The following CHODL variants were observed in gnomAD, a reference collection of about 807,000 sequenced individuals.
The protein encoded by CHODL is transmembrane protein MT75.
CHODL carries 29 observed loss-of-function variants against 34.5 expected under a neutral mutation model. That is an observed-to-expected ratio of 0.84 (90% CI 0.63 to 1.15). The LOEUF (loss-of-function observed/expected upper bound fraction) is 1.15, where lower values mean the gene tolerates loss of function less well. CHODL is among the 50% of genes most tolerant of loss of function. The pLI is 0.00. For synonymous variants in CHODL, 125 were observed against 116.1 expected, an observed-to-expected ratio of 1.08 and a Z score of -0.49; for missense variants, 332 against 332.5, an observed-to-expected ratio of 1.00 and a Z score of 0.01.
intron 1 of CHODL, among the ~76,000 whole-genome samples, chr21:18,011,736 T>C (rs2064021532): frequency 1.3e-5 from 2 of 152,238 alleles, no homozygotes; most frequent in African/African-American, 4.8e-5. Flanking sequence ...AAAGCTCAGG[T>C]AATAATAAAA....
At chr21:17,925,617 A>G (rs919502375) in intron 1 of CHODL, among the ~76,000 whole-genome samples, 4 of 152,260 alleles carry the variant, frequency 2.6e-5, no homozygotes, top group African/African-American at 9.6e-5. Context: ...GGAGATTTAA[A>G]TTATAGGAAC....
rs1297141204 is a variant in CHODL, at chr21:17,981,490, C to T, written c.-144-46382C>T. 2.6e-5 allele frequency among the ~76,000 whole-genome samples: 4 copies of T among 152,292 alleles called. No individual in the cohort carries two copies. The East Asian group carries it at 7.7e-4, about 29-fold the overall frequency. ...AGAAGTGACAGCTGAGGCCTCCAAA[C>T]TCTTGTAACTGATGGGGCTCAGGTT... is the stretch of plus-strand genomic sequence containing the variant. On this transcript the variant is annotated intron_variant, in intron 1 of 6. Transcript: ENST00000400127.
At chr21:18,039,905 T>C (rs2146451994) in intron 2 of CHODL, among the ~76,000 whole-genome samples, 1 of 151,942 alleles carries the variant, frequency 6.6e-6, no homozygotes, top group East Asian at 1.9e-4. Flanking sequence ...GACATTTATA[T>C]AGATATTAGT....
At position 18,266,022 on chromosome 21, in the gene CHODL, G is replaced by A. The variant is rs1389176644; in HGVS notation, c.806G>A (p.Ser269Asn). The A allele has an allele frequency of 1.9e-6, 3 of 1,613,464 alleles. No homozygotes were observed. The East Asian group carries it at 6.7e-5, about 36-fold the overall frequency. Residue 269 changes from serine to asparagine, a missense_variant, in exon 6 of 6, where the codon AGT becomes AAT. Coordinates refer to ENST00000299295, the MANE Select transcript of CHODL (RefSeq NM_024944.3). ...LWISKSTRKE[S>N]GMEV ...ATTTCAAAGAGTACCAGAAAAGAAA[G>A]TGGCATGGAAGTATAATAACTCATT...
At chr21:18,064,653 C>G (rs1280544304) in intron 2 of CHODL, among the ~76,000 whole-genome samples, 1 of 152,120 alleles carries the variant, frequency 6.6e-6, no homozygotes, top group Non-Finnish European at 1.5e-5. Flanking sequence ...TGGAACCATA[C>G]CATCCATGTG....
rs76950342 is a variant in CHODL at position 18,186,751 on chromosome 21, G to A, written c.-44-69758G>A. Among the ~76,000 whole-genome samples the A allele has an allele frequency of 5.1e-3, 770 of 152,204 alleles. 2 individuals carry two copies. The highest frequency in any genetic ancestry group is 0.01 in the Middle Eastern group (3 of 294). ...TAAATCCACACAATAATATTTCTAGGTTAGGTTAGAATCTTAATCTCCCCA... is the reference window on the plus strand; with the variant it reads ...TAAATCCACACAATAATATTTCTAGATTAGGTTAGAATCTTAATCTCCCCA... On this transcript the variant is annotated intron_variant, in intron 2 of 6. Coordinates refer to the CHODL transcript ENST00000400127.
In CHODL at chr21:18,245,017, C is replaced by A. The variant is rs2074119657; in HGVS notation, c.-207C>A. The A allele has an allele frequency of 6.3e-6, 3 of 475,586 alleles. No individual in the cohort carries two copies. The East Asian group carries it at 1.1e-4, about 18-fold the overall frequency. The allele number at this position is 475,586 out of a possible 1,614,324, so 29.5% of individuals were successfully genotyped here. On this transcript the variant is annotated 5_prime_UTR_variant, in exon 1 of 6. Transcript: ENST00000299295. ...CACCCTCGAAGTCTTGAACTCCAGC[C>A]CCGCACATCCACGCGCGGCACAGGC...
At chr21:18,102,513 A>G (rs917529372) in intron 2 of CHODL, among the ~76,000 whole-genome samples, 2 of 152,184 alleles carry the variant, frequency 1.3e-5, no homozygotes, top group African/African-American at 4.8e-5. Context: ...GCCTGCTTTT[A>G]TTCTGCTTAA....
chr21:18,130,097 T>G (rs1005689339), intron 2 of CHODL, among the ~76,000 whole-genome samples: 2 of 152,174 alleles, frequency 1.3e-5, no homozygotes, highest in African/African-American at 4.8e-5. Flanking sequence ...AATCTGTTTT[T>G]TTCCCCCCAG....
chr21:18,152,686 T>C (rs755370402), intron 2 of CHODL, among the ~76,000 whole-genome samples: 19 of 152,326 alleles, frequency 1.2e-4, no homozygotes, highest in Admixed American at 3.9e-4. Flanking sequence ...CTAAGATGAA[T>C]CTTACATGAT....
chr21:18,124,815 G>A (rs2824641), intron 2 of CHODL, among the ~76,000 whole-genome samples: 4 of 152,030 alleles, frequency 2.6e-5, no homozygotes, highest in African/African-American at 9.7e-5. Context: ...TACTATATCC[G>A]GTGATTTCCA....
chr21:18,222,788 C>G (rs1012112840), intron 2 of CHODL, among the ~76,000 whole-genome samples: 1 of 152,038 alleles, frequency 6.6e-6, no homozygotes, highest in Non-Finnish European at 1.5e-5. Flanking sequence ...ATGTTTAGGT[C>G]TTTTTTTGTG....
chr21:18,158,859 G>GAA (rs2073064491), intron 2 of CHODL, among the ~76,000 whole-genome samples: 1 of 109,208 alleles, frequency 9.2e-6, no homozygotes, highest in Non-Finnish European at 2.1e-5. Flanking sequence ...AAAAAAAGAA[G>GAA]AAGAAAAGAA....
chr21:18,250,766 GA>G lies in CHODL; in HGVS notation c.79+5471del, dbSNP rs938370289. ...GGGGGTAAGAAGAAATTATGAAAAA[GA>G]AAAAAATATCTTGTGTGATTCTAAT... is the stretch of plus-strand genomic sequence containing the variant. On this transcript the variant is annotated intron_variant, in intron 1 of 5. Transcript: ENST00000299295. 1.5e-4 allele frequency among the ~76,000 whole-genome samples: 22 copies of G among 151,492 alleles called. No homozygotes were observed. The South Asian group carries it at 2.1e-3, about 14-fold the overall frequency.
At position 18,103,094 on chromosome 21, in the gene CHODL, AC is replaced by A. The variant is rs1212167276; in HGVS notation, c.-45+75125del. Among the ~76,000 whole-genome samples the A allele has an allele frequency of 2.6e-5, 4 of 152,156 alleles. No individual in the cohort carries two copies. The East Asian group carries it at 7.7e-4, about 29-fold the overall frequency. ...AAGAATATGCATTTTAGAGCAGGGA[AC>A]CTAAAGTTGAGATACCATTTCATTT... On this transcript the variant is annotated intron_variant, in intron 2 of 6. Transcript: ENST00000400127.
intron 2 of CHODL, among the ~76,000 whole-genome samples, chr21:18,214,972 C>T (rs945222551): frequency 7.9e-5 from 12 of 151,816 alleles, no homozygotes; most frequent in African/African-American, 1.7e-4. Context: ...AAATGGTAAA[C>T]CAAAATGATA....
At chr21:18,080,112 G>A (rs2064923442) in intron 2 of CHODL, among the ~76,000 whole-genome samples, 1 of 151,998 alleles carries the variant, frequency 6.6e-6, no homozygotes, top group African/African-American at 2.4e-5. Context: ...TTTCATGTTT[G>A]TTAGCTGCTT....
intron 1 of CHODL, among the ~76,000 whole-genome samples, chr21:18,026,900 A>G (rs2638083): frequency 0.015 from 2,319 of 152,276 alleles, 59 homozygotes; most frequent in African/African-American, 0.053. Flanking sequence ...TTTTTGAAGG[A>G]TGTGATAGTT....
chr21:18,097,544 T>C (rs753168281), intron 2 of CHODL, among the ~76,000 whole-genome samples: 9 of 151,978 alleles, frequency 5.9e-5, no homozygotes, highest in Non-Finnish European at 1.3e-4. Context: ...ATGAAACGTA[T>C]AAAACACTGA....
Sources: gnomAD v4.1 joint callset for allele counts (sites outside exome capture counted in the v4.1 genomes callset) on GRCh38, gnomAD v4.1.1 for gene constraint, MANE v1.5 for transcripts, NCBI Gene and HGNC (gene_info 2026-07-23, HGNC 2026-07-21) for gene names.